LINGO2: variants seen among roughly 807,000 people sequenced by gnomAD.
LINGO2 encodes leucine rich repeat and Ig domain containing 2.
A neutral mutation model predicts 30.6 loss-of-function variants in LINGO2; 14 were observed. The observed-to-expected ratio is 0.46, with a 90% CI of 0.30 to 0.72. LINGO2 has a LOEUF of 0.72. LINGO2 is among the 30% of genes least tolerant of loss of function. The pLI is 0.07. For synonymous variants in LINGO2, 317 were observed against 288.5 expected (o/e 1.10, Z -1.00); for missense variants, 729 against 751.7 (o/e 0.97, Z 0.35).
At chr9:28,584,051 T>C (rs1228440909) in intron 1 of LINGO2, among the ~76,000 whole-genome samples, 1 of 152,010 alleles carries the variant, frequency 6.6e-6, no homozygotes, top group Admixed American at 6.6e-5. Context: ...TCCATTGCCA[T>C]GCTGTTGGAC....
chr9:29,210,613 A>G, the LINGO2 span, among the ~76,000 whole-genome samples: 3 of 152,294 alleles, frequency 2.0e-5, no homozygotes, highest in African/African-American at 7.2e-5. Context: ...AACTTTATAT[A>G]AATCTTCCCT....
intron 4 of LINGO2, among the ~76,000 whole-genome samples, chr9:28,291,054 T>G (rs1281782716): frequency 1.3e-5 from 2 of 152,176 alleles, no homozygotes; most frequent in Non-Finnish European, 2.9e-5. Flanking sequence ...GCTCCAGTTG[T>G]CCACTTAATG....
At chr9:28,079,236 A>T (rs1825708994) in intron 4 of LINGO2, among the ~76,000 whole-genome samples, 1 of 152,216 alleles carries the variant, frequency 6.6e-6, no homozygotes, top group African/African-American at 2.4e-5. Context: ...CTTGAATATA[A>T]ACATGATTTA....
intron 4 of LINGO2, among the ~76,000 whole-genome samples, chr9:28,196,210 A>G (rs1236465307): frequency 2.0e-5 from 3 of 151,652 alleles, no homozygotes; most frequent in African/African-American, 7.2e-5. Flanking sequence ...TTGAAGATTA[A>G]AGAAAGAATG....
chr9:29,194,102 T>C, the LINGO2 span, among the ~76,000 whole-genome samples: 1 of 152,178 alleles, frequency 6.6e-6, no homozygotes, highest in African/African-American at 2.4e-5. Flanking sequence ...TAAAATGGGT[T>C]GATCCCTCCT....
At chr9:28,739,115 T>G in the LINGO2 span, among the ~76,000 whole-genome samples, 1 of 151,996 alleles carries the variant, frequency 6.6e-6, no homozygotes, top group Non-Finnish European at 1.5e-5. Context: ...CTTCTGAAAT[T>G]TATTATTTTT....
chr9:29,049,867 A>G, the LINGO2 span, among the ~76,000 whole-genome samples: 10 of 152,254 alleles, frequency 6.6e-5, no homozygotes, highest in Admixed American at 5.9e-4. Flanking sequence ...AAGAATAAAT[A>G]AGATCTACTA....
intron 5 of LINGO2, among the ~76,000 whole-genome samples, chr9:27,955,155 A>G (rs1220254227): frequency 6.6e-6 from 1 of 152,238 alleles, no homozygotes; most frequent in Admixed American, 6.5e-5. Flanking sequence ...TTTTAAAAAA[A>G]GGCTCAACTA....
the LINGO2 span, among the ~76,000 whole-genome samples, chr9:28,704,894 A>G: frequency 1.3e-5 from 2 of 152,018 alleles, no homozygotes; most frequent in African/African-American, 4.8e-5. Flanking sequence ...TTCGTGCCAC[A>G]TTTGACTCTG....
intron 2 of LINGO2, among the ~76,000 whole-genome samples, chr9:28,392,156 T>C (rs888077073): frequency 2.0e-5 from 3 of 152,172 alleles, no homozygotes; most frequent in Admixed American, 6.5e-5. Flanking sequence ...TGAGCCGAGA[T>C]TGTGCCACAG....
chr9:28,245,090 C>T (rs1365359774), intron 4 of LINGO2, among the ~76,000 whole-genome samples: 1 of 152,134 alleles, frequency 6.6e-6, no homozygotes, highest in African/African-American at 2.4e-5. Context: ...AGCACCACAT[C>T]AAAAAGTTTA....
intron 4 of LINGO2, among the ~76,000 whole-genome samples, chr9:28,174,303 C>G (rs1046122217): frequency 1.3e-5 from 2 of 152,194 alleles, no homozygotes; most frequent in African/African-American, 2.4e-5. Flanking sequence ...GATTAAGAAG[C>G]AAGCTATGGA....
chr9:28,377,246 C>T (rs1324203084), intron 2 of LINGO2, among the ~76,000 whole-genome samples: 1 of 152,160 alleles, frequency 6.6e-6, no homozygotes, highest in Non-Finnish European at 1.5e-5. Context: ...GCAAGACCAA[C>T]CCCTCCTCTT....
intron 4 of LINGO2, among the ~76,000 whole-genome samples, chr9:28,027,759 A>C (rs1336446850): frequency 1.3e-5 from 2 of 152,232 alleles, no homozygotes; most frequent in African/African-American, 4.8e-5. Context: ...TCTGCTTAGT[A>C]GATAAGAGCT....
At chr9:28,032,130 C>G (rs1823709561) in intron 4 of LINGO2, among the ~76,000 whole-genome samples, 1 of 151,984 alleles carries the variant, frequency 6.6e-6, no homozygotes, top group African/African-American at 2.4e-5. Flanking sequence ...CTTTGAAAAC[C>G]GATTGCTCTG....
the LINGO2 span, among the ~76,000 whole-genome samples, chr9:28,773,846 A>T: frequency 6.6e-6 from 1 of 152,192 alleles, no homozygotes; most frequent in African/African-American, 2.4e-5. Context: ...AGTCCTCAGG[A>T]GTCCTGTGAA....
intron 3 of LINGO2, among the ~76,000 whole-genome samples, chr9:28,348,942 T>A (rs1306786829): frequency 2.6e-5 from 4 of 151,264 alleles, no homozygotes; most frequent in Admixed American, 1.3e-4. Context: ...GAGGGTCCTG[T>A]CTGTTAGAAG....
chr9:28,568,840 G>C (rs989252828), intron 1 of LINGO2, among the ~76,000 whole-genome samples: 1 of 148,668 alleles, frequency 6.7e-6, no homozygotes, highest in African/African-American at 2.6e-5. Context: ...TGGAAAAAAT[G>C]CTAGACTGTT....
At chr9:28,045,074 C>A (rs1485166559) in intron 4 of LINGO2, among the ~76,000 whole-genome samples, 1 of 151,806 alleles carries the variant, frequency 6.6e-6, no homozygotes, top group Non-Finnish European at 1.5e-5. Context: ...AGAAGTCAGG[C>A]AATATAATAG....
Sources: allele counts gnomAD v4.1 joint callset (sites outside exome capture counted in the v4.1 genomes callset), GRCh38; gene constraint gnomAD v4.1.1; transcripts MANE v1.5; gene names NCBI Gene and HGNC (gene_info 2026-07-23, HGNC 2026-07-21).